PTPRT: variants seen among roughly 807,000 people sequenced by gnomAD.
PTPRT encodes the protein receptor-type tyrosine-protein phosphatase T.
A neutral mutation model predicts 176.8 loss-of-function variants in PTPRT; 56 were observed. That is an observed-to-expected ratio of 0.32 (90% CI 0.26 to 0.40). PTPRT has a LOEUF of 0.40. PTPRT is among the 10% of genes least tolerant of loss of function. The pLI is 1.00. For synonymous variants in PTPRT, 783 were observed against 739.0 expected, an observed-to-expected ratio of 1.06 and a Z score of -0.96; for missense variants, 1,540 against 1,908.2, an observed-to-expected ratio of 0.81 and a Z score of 3.60.
rs184844405 is a variant in PTPRT at position 42,475,838 on chromosome 20, G to A, written c.1154-3276C>T. Among the ~76,000 whole-genome samples the A allele has an allele frequency of 6.6e-4, 100 of 152,286 alleles. 1 individual carries two copies. Among genetic ancestry groups the A allele is most frequent in the African/African-American group, 2.3e-3 (96 of 41,566 alleles). The stretch of plus-strand genomic sequence containing the variant: ...TAAACAGGAGCATCTTTTTAAAGAA[G>A]ACAAGGATATCGTGATCTTGCCACA... On this transcript the variant is annotated intron_variant, in intron 7 of 30. Coordinates refer to ENST00000373187, the MANE Select transcript of PTPRT (RefSeq NM_007050.6).
At chr20:42,601,165 T>C (rs949839845) in intron 7 of PTPRT, among the ~76,000 whole-genome samples, 42 of 152,208 alleles carry the variant, frequency 2.8e-4, no homozygotes, top group Non-Finnish European at 8.8e-5. Flanking sequence ...CTCTCCATAG[T>C]GGAAAATTCT....
chr20:42,527,775 T>G (rs1241927643), intron 7 of PTPRT, among the ~76,000 whole-genome samples: 1 of 152,228 alleles, frequency 6.6e-6, no homozygotes, highest in East Asian at 1.9e-4. Context: ...GGAATGAATT[T>G]TCTTATAGGA....
intron 1 of PTPRT, among the ~76,000 whole-genome samples, chr20:42,987,337 C>A (rs1048235645): frequency 6.6e-6 from 1 of 152,180 alleles, no homozygotes; most frequent in Non-Finnish European, 1.5e-5. Flanking sequence ...GTTCCTCAGT[C>A]GCACGAGCCA....
intron 7 of PTPRT, among the ~76,000 whole-genome samples, chr20:42,659,376 A>C (rs573667727): frequency 1.3e-5 from 2 of 152,372 alleles, no homozygotes; most frequent in East Asian, 3.9e-4. Context: ...TATTACAGGC[A>C]TCCCACTGCA....
the PTPRT span, chr20:42,063,568 C>T: frequency 6.6e-6 from 1 of 152,224 alleles, no homozygotes; most frequent in Non-Finnish European, 1.5e-5. Context: ...ACTCATCATT[C>T]CAGTCCAGGG....
intron 8 of PTPRT, among the ~76,000 whole-genome samples, chr20:42,461,496 C>T (rs1159184416): frequency 6.6e-6 from 1 of 152,032 alleles, no homozygotes; most frequent in Non-Finnish European, 1.5e-5. Context: ...GATCATATCA[C>T]TGCCCTCCAG....
At chr20:42,250,966 C>T (rs1307647505) in intron 13 of PTPRT, among the ~76,000 whole-genome samples, 5 of 152,216 alleles carry the variant, frequency 3.3e-5, no homozygotes, top group Non-Finnish European at 7.3e-5. Flanking sequence ...ACCATCTCTT[C>T]AGCAGGGCTG....
chr20:43,056,898 T>C (rs3092648), intron 1 of PTPRT, among the ~76,000 whole-genome samples: 55,047 of 151,848 alleles, frequency 0.36, 12,500 homozygotes, highest in African/African-American at 0.63. Flanking sequence ...GCAAAGGAAA[T>C]TTTTCCTCAA....
At chr20:42,570,933 G>A (rs969866310) in intron 7 of PTPRT, among the ~76,000 whole-genome samples, 2 of 149,988 alleles carry the variant, frequency 1.3e-5, no homozygotes, top group African/African-American at 4.9e-5. Flanking sequence ...ATTAGAACAC[G>A]GACATAGACA....
intron 7 of PTPRT, among the ~76,000 whole-genome samples, chr20:42,663,279 G>A (rs2075257729): frequency 6.6e-6 from 1 of 152,138 alleles, no homozygotes; most frequent in South Asian, 2.1e-4. Flanking sequence ...TGCTGCACCT[G>A]TGGGCAATTT....
chr20:42,973,185 G>A (rs1037630471), intron 1 of PTPRT, among the ~76,000 whole-genome samples: 2 of 151,958 alleles, frequency 1.3e-5, no homozygotes, highest in African/African-American at 4.8e-5. Flanking sequence ...GAGAAAGGAA[G>A]AATGAGGAAT....
chr20:43,120,129 G>A (rs1177437950), intron 1 of PTPRT, among the ~76,000 whole-genome samples: 1 of 152,120 alleles, frequency 6.6e-6, no homozygotes. Context: ...CTTAAACCAG[G>A]AGTAGTAACC....
intron 7 of PTPRT, among the ~76,000 whole-genome samples, chr20:42,535,020 C>T (rs776349044): frequency 1.2e-4 from 19 of 152,056 alleles, no homozygotes; most frequent in Non-Finnish European, 2.4e-4. Flanking sequence ...CCCTATTATG[C>T]GGATAAGAAA....
chr20:42,921,697 C>G (rs1454491662), intron 1 of PTPRT, among the ~76,000 whole-genome samples: 1 of 152,198 alleles, frequency 6.6e-6, no homozygotes, highest in Non-Finnish European at 1.5e-5. Flanking sequence ...GGAAGGAATT[C>G]TGTAATCTAT....
intron 11 of PTPRT, 107 bp from the exon 12 acceptor site, chr20:42,316,103 C>T (rs548901187): frequency 3.3e-5 from 42 of 1,272,618 alleles, no homozygotes; most frequent in Admixed American, 1.5e-4. Context: ...AGCATTGGTT[C>T]GGTCTACAAC....
intron 16 of PTPRT, among the ~76,000 whole-genome samples, chr20:42,193,388 T>C (rs752005701): frequency 1.3e-5 from 2 of 152,224 alleles, no homozygotes; most frequent in Non-Finnish European, 2.9e-5. Flanking sequence ...AGCTGACCTA[T>C]CAGTAAGGAA....
In PTPRT at chr20:43,173,855, T is replaced by C. The variant is rs114605948; in HGVS notation, c.88+15791A>G. 4.0e-3 allele frequency among the ~76,000 whole-genome samples: 605 copies of C among 152,338 alleles called. 4 individuals are homozygous for C. The highest frequency in any genetic ancestry group is 0.014 in the African/African-American group (567 of 41,568). On this transcript the variant is annotated intron_variant, in intron 1 of 30. Transcript: ENST00000373187. The stretch of plus-strand genomic sequence containing the variant: ...GAAAGACAGTCTCTCTCTCCTGTAC[T>C]TCTTATTCCCATAAAAATCTTCTAA...
intron 5 of PTPRT, among the ~76,000 whole-genome samples, chr20:42,766,627 C>G (rs1011580501): frequency 1.3e-5 from 2 of 152,166 alleles, no homozygotes; most frequent in Admixed American, 6.5e-5. Flanking sequence ...GAAAAGCAAG[C>G]TATAAAGTCC....
intron 1 of PTPRT, among the ~76,000 whole-genome samples, chr20:43,069,586 G>A (rs931194373): frequency 1.3e-5 from 2 of 152,186 alleles, no homozygotes; most frequent in African/African-American, 4.8e-5. Flanking sequence ...CACCATGGAG[G>A]AGAAATCATT....
Sources: allele counts gnomAD v4.1 joint callset (sites outside exome capture counted in the v4.1 genomes callset), GRCh38; gene constraint gnomAD v4.1.1; transcripts MANE v1.5; gene names NCBI Gene and HGNC (gene_info 2026-07-23, HGNC 2026-07-21).